VOPP1: variants seen among roughly 807,000 people sequenced by gnomAD.
VOPP1 encodes WW domain binding protein VOPP1.
VOPP1 carries 8 observed loss-of-function variants against 23.5 expected under a neutral mutation model. The observed-to-expected ratio is 0.34, with a 90% CI of 0.20 to 0.61. VOPP1 has a LOEUF of 0.61. VOPP1 is among the 20% of genes least tolerant of loss of function. The probability of loss-of-function intolerance (pLI) is 0.78; values close to 1 mark genes in which losing one functional copy is unlikely to be tolerated. For missense variants in VOPP1, 174 were observed against 238.1 expected (o/e 0.73, Z 1.77); for synonymous variants, 83 against 97.3 (o/e 0.85, Z 0.86).
intron 1 of VOPP1, chr7:55,537,735 G>T: frequency 7.1e-7 from 1 of 1,403,184 alleles, no homozygotes; most frequent in East Asian, 2.6e-5. Flanking sequence ...GCCAGCGCTT[G>T]TGACAGTGTG....
At chr7:55,440,093 G>A (rs1176970060) in intron 4 of VOPP1, among the ~76,000 whole-genome samples, 1 of 152,246 alleles carries the variant, frequency 6.6e-6, no homozygotes, top group Non-Finnish European at 1.5e-5. Context: ...AGAGCGGGTG[G>A]CAGGTTTGTG....
chr7:55,455,692 A>T (rs779241862), intron 4 of VOPP1, among the ~76,000 whole-genome samples: 1 of 152,242 alleles, frequency 6.6e-6, no homozygotes, highest in Non-Finnish European at 1.5e-5. Context: ...GACAAAAATA[A>T]GCAATGGGGA....
intron 1 of VOPP1, among the ~76,000 whole-genome samples, chr7:55,554,319 C>G (rs1006748948): frequency 6.6e-6 from 1 of 152,192 alleles, no homozygotes; most frequent in African/African-American, 2.4e-5. Context: ...CAGGATCTCA[C>G]AGGGCACTGA....
intron 1 of VOPP1, among the ~76,000 whole-genome samples, chr7:55,561,525 A>G (rs1245607908): frequency 1.3e-5 from 2 of 152,110 alleles, no homozygotes; most frequent in African/African-American, 2.4e-5. Flanking sequence ...CCTAGCCAAT[A>G]TGGTGAAACC....
intron 2 of VOPP1, among the ~76,000 whole-genome samples, chr7:55,509,999 A>C (rs1357288226): frequency 1.3e-5 from 2 of 152,198 alleles, no homozygotes; most frequent in Non-Finnish European, 2.9e-5. Flanking sequence ...CCGTGTCGTC[A>C]TACTGTTCCT....
chr7:55,554,760 A>C (rs1394471867), intron 1 of VOPP1, among the ~76,000 whole-genome samples: 2 of 152,344 alleles, frequency 1.3e-5, no homozygotes, highest in African/African-American at 4.8e-5. Flanking sequence ...AACTGGGTCG[A>C]TAGGGGCTGG....
intron 2 of VOPP1, among the ~76,000 whole-genome samples, chr7:55,504,943 G>A (rs1332881173): frequency 6.6e-6 from 1 of 152,206 alleles, no homozygotes; most frequent in Non-Finnish European, 1.5e-5. Context: ...TTCTCAGTAA[G>A]TTCTGTCTTC....
chr7:55,536,557 C>T (rs1796802584), intron 1 of VOPP1, among the ~76,000 whole-genome samples: 1 of 151,974 alleles, frequency 6.6e-6, no homozygotes, highest in Non-Finnish European at 1.5e-5. Context: ...GCAAGATTTA[C>T]CACCATGAGG....
intron 4 of VOPP1, among the ~76,000 whole-genome samples, chr7:55,487,521 A>T (rs1793229557): frequency 2.0e-5 from 3 of 152,196 alleles, no homozygotes; most frequent in African/African-American, 7.2e-5. Context: ...TCACAGGCTT[A>T]ATCACAGTAC....
At chr7:55,494,831 C>T (rs558926363) in intron 3 of VOPP1, among the ~76,000 whole-genome samples, 45 of 152,098 alleles carry the variant, frequency 3.0e-4, no homozygotes, top group African/African-American at 9.9e-4. Context: ...AGGAAAGAGA[C>T]GAAGCAGGGT....
intron 4 of VOPP1, among the ~76,000 whole-genome samples, chr7:55,481,807 G>A (rs893426790): frequency 6.6e-6 from 1 of 152,166 alleles, no homozygotes; most frequent in Non-Finnish European, 1.5e-5. Flanking sequence ...GGGGCTTGAG[G>A]CTCAGAGAAC....
chr7:55,478,749 A>T (rs1792462473), intron 4 of VOPP1, among the ~76,000 whole-genome samples: 1 of 152,232 alleles, frequency 6.6e-6, no homozygotes, highest in South Asian at 2.1e-4. Flanking sequence ...TCACAGATTC[A>T]TGTATCTCAC....
intron 4 of VOPP1, among the ~76,000 whole-genome samples, chr7:55,490,523 G>C (rs1793491350): frequency 6.6e-6 from 1 of 152,202 alleles, no homozygotes; most frequent in South Asian, 2.1e-4. Context: ...GGTAGACTCT[G>C]AGCTCGGCCA....
chr7:55,530,181 A>G (rs1452934403), intron 1 of VOPP1, among the ~76,000 whole-genome samples: 1 of 152,120 alleles, frequency 6.6e-6, no homozygotes, highest in Non-Finnish European at 1.5e-5. Context: ...ACTATTTTCC[A>G]AGGCAGCTGC....
intron 1 of VOPP1, among the ~76,000 whole-genome samples, chr7:55,562,648 G>A (rs779787683): frequency 5.3e-5 from 8 of 152,192 alleles, no homozygotes; most frequent in Non-Finnish European, 1.0e-4. Context: ...GGAGAGGCAT[G>A]ATGGGTAGAA....
Position 55,492,420 on chromosome 7 carries a change from T to C in VOPP1, c.192-2A>G. 1.9e-6 allele frequency: 3 copies of C among 1,609,938 alleles called. No individual in the cohort carries two copies. The highest frequency in any genetic ancestry group is 1.7e-4 in the Middle Eastern group (1 of 6,054). ...AGCACGCCCATCATCAGAAGGAACC[T>C]GAGGAGAGTACAGACGTGAGGGTGG... On this transcript the variant is annotated splice_acceptor_variant, in intron 3 of 4. Coordinates refer to ENST00000285279, the MANE Select transcript of VOPP1 (RefSeq NM_030796.5). LOFTEE classifies it high-confidence loss of function.
At chr7:55,458,481 G>C (rs1397582214) in intron 4 of VOPP1, among the ~76,000 whole-genome samples, 1 of 152,108 alleles carries the variant, frequency 6.6e-6, no homozygotes, top group Non-Finnish European at 1.5e-5. Flanking sequence ...TTTTGATAGA[G>C]ATTGCTTTGA....
downstream of VOPP1, among the ~76,000 whole-genome samples, chr7:55,465,948 A>G (rs948733754): frequency 4.6e-5 from 7 of 152,182 alleles, no homozygotes; most frequent in Non-Finnish European, 8.8e-5. Flanking sequence ...CAAATGTCAT[A>G]TGTTGAAACT....
chr7:55,570,893 G>A (rs543992067), intron 1 of VOPP1, among the ~76,000 whole-genome samples: 1 of 152,202 alleles, frequency 6.6e-6, no homozygotes, highest in South Asian at 2.1e-4. Flanking sequence ...AGTGAGCCAA[G>A]ATCGCGCCAC....
Sources: allele counts gnomAD v4.1 joint callset (sites outside exome capture counted in the v4.1 genomes callset), GRCh38; gene constraint gnomAD v4.1.1; transcripts MANE v1.5; gene names NCBI Gene and HGNC (gene_info 2026-07-23, HGNC 2026-07-21).